The following SNRK variants were observed in gnomAD, a reference collection of about 807,000 sequenced individuals.
The protein encoded by SNRK is SNF related kinase.
SNRK carries 3 observed loss-of-function variants against 48.2 expected under a neutral mutation model. The observed-to-expected ratio is 0.06, with a 90% CI of 0.03 to 0.16. The LOEUF (loss-of-function observed/expected upper bound fraction) is 0.16, where lower values mean the gene tolerates loss of function less well. Among genes scored for constraint, SNRK ranks in the 10% least tolerant of loss-of-function variants. The pLI, the probability that SNRK is intolerant of heterozygous loss-of-function variation, is 1.00. For synonymous variants in SNRK, 376 were observed against 366.1 expected (o/e 1.03, Z -0.31); for missense variants, 627 against 976.0 (o/e 0.64, Z 4.76).
intron 6 of SNRK, among the ~76,000 whole-genome samples, chr3:43,344,807 C>A (rs1009066867): frequency 6.6e-6 from 1 of 151,998 alleles, no homozygotes; most frequent in African/African-American, 2.4e-5. Context: ...AGCTCCCTGG[C>A]AAGAAAGAGT....
At chr3:43,312,066 C>T (rs1354024752) in intron 3 of SNRK, among the ~76,000 whole-genome samples, 1 of 152,040 alleles carries the variant, frequency 6.6e-6, no homozygotes, top group Non-Finnish European at 1.5e-5. Flanking sequence ...GCCATCTCAC[C>T]TAAGGTTTGG....
At chr3:43,302,765 A>G (rs1402968539) in intron 2 of SNRK, among the ~76,000 whole-genome samples, 1 of 152,084 alleles carries the variant, frequency 6.6e-6, no homozygotes, top group Non-Finnish European at 1.5e-5. Flanking sequence ...TTATTTTTTA[A>G]GACACTAAAA....
chr3:43,290,021 G>C (rs936778651), intron 1 of SNRK, among the ~76,000 whole-genome samples: 4 of 152,162 alleles, frequency 2.6e-5, no homozygotes, highest in African/African-American at 9.7e-5. Flanking sequence ...GTTTAATGTA[G>C]GTTATGACAA....
chr3:43,301,630 T>TA lies in SNRK; in HGVS notation c.-106-1459dup, dbSNP rs575119083. On this transcript the variant is annotated intron_variant, in intron 2 of 6. Coordinates refer to ENST00000296088, the MANE Select transcript of SNRK (RefSeq NM_017719.5). ...AAAATAAATAGCAGTTTTTAAAAAT[T>TA]AAAAAAAAACTTACCTATTATATGT... is the stretch of plus-strand genomic sequence containing the variant. 1.2e-3 allele frequency among the ~76,000 whole-genome samples: 175 copies of TA among 151,774 alleles called. 1 individual carries two copies. The highest frequency in any genetic ancestry group is 2.0e-3 in the Non-Finnish European group (133 of 67,892).
intron 3 of SNRK, among the ~76,000 whole-genome samples, chr3:43,329,772 T>C (rs1002913760): frequency 6.6e-6 from 1 of 152,340 alleles, no homozygotes; most frequent in African/African-American, 2.4e-5. Flanking sequence ...TTAAGGGGAT[T>C]GGACAAATCA....
intron 3 of SNRK, among the ~76,000 whole-genome samples, chr3:43,326,808 A>G (rs1336589413): frequency 3.3e-5 from 5 of 152,238 alleles, no homozygotes; most frequent in Non-Finnish European, 1.5e-5. Flanking sequence ...TGAAGTCCCC[A>G]AGGGACATTT....
In SNRK at chr3:43,348,384, G is replaced by C. The variant is rs756684829; in HGVS notation, c.2125G>C (p.Asp709His). ...AGTGGGCGGCATAAAGTTTTTCTCT[G>C]ACCACATGGCAGATACCACCACTGA... ...PAVGGIKFFS[D>H]HMADTTTELE... is the part of the protein sequence containing the mutation. The change falls in exon 7 of 7, where the codon GAC becomes CAC. Residue 709 changes from aspartate to histidine, a missense_variant. Transcript: ENST00000296088. 1.9e-6 allele frequency: 3 copies of C among 1,608,860 alleles called. No homozygotes were observed. The highest frequency in any genetic ancestry group is 2.5e-6 in the Non-Finnish European group (3 of 1,177,848).
At chr3:43,305,222 G>T (rs1242079963) in intron 3 of SNRK, among the ~76,000 whole-genome samples, 1 of 152,160 alleles carries the variant, frequency 6.6e-6, no homozygotes, top group African/African-American at 2.4e-5. Context: ...TAAAGGTAAA[G>T]ATGTACACAT....
chr3:43,340,633 C>G, intron 5 of SNRK, 134 bp downstream of exon 5: 2 of 788,938 alleles, frequency 2.5e-6, no homozygotes, highest in South Asian at 3.7e-5. Flanking sequence ...TGTCATTTAT[C>G]TCTAAAGTTC....
chr3:43,303,682 G>A lies in SNRK; in HGVS notation c.479G>A (p.Gly160Glu). The change falls in exon 3 of 7, where the codon GGG (glycine) becomes GAG (glutamate). Residue 160 changes from glycine (G) to glutamate (E), a missense_variant. Physicochemically the swap from Gly to Glu is moderately conservative, Grantham distance 98. This residue lies in a region of SNRK where 147 missense variants were observed against 356.8 expected (regional missense o/e 0.41). Transcript: ENST00000296088. This position sits in a 1 kb window ranked among gnomAD's most constrained non-coding sequence, Gnocchi z 6.2. Reference sequence around the variant, plus strand: ...GGTCTTGTAAAGTTGACAGACTTTGGGTTCAGCAACAAATTTCAACCAGGG... The same window carrying A: ...GGTCTTGTAAAGTTGACAGACTTTGAGTTCAGCAACAAATTTCAACCAGGG... ...KQGLVKLTDF[G>E]FSNKFQPGKK... 1 of 1,614,022 alleles carries A rather than the reference G, an allele frequency of 6.2e-7. No homozygotes were observed. The highest frequency in any genetic ancestry group is 8.5e-7 in the Non-Finnish European group (1 of 1,179,994).
At chr3:43,290,520 A>C (rs184650926) in intron 1 of SNRK, among the ~76,000 whole-genome samples, 1 of 152,100 alleles carries the variant, frequency 6.6e-6, no homozygotes, top group Admixed American at 6.5e-5. Flanking sequence ...CTTGGATTCT[A>C]CTTCCAAAAT....
chr3:43,295,895 C>T (rs963124786), intron 1 of SNRK, among the ~76,000 whole-genome samples: 8 of 152,136 alleles, frequency 5.3e-5, no homozygotes, highest in African/African-American at 1.4e-4. Context: ...CATGCCACCA[C>T]GCCCAGCTAA....
intron 3 of SNRK, among the ~76,000 whole-genome samples, chr3:43,324,530 T>G (rs982377109): frequency 6.8e-6 from 1 of 147,806 alleles, no homozygotes; most frequent in Non-Finnish European, 1.5e-5. Flanking sequence ...AAAAAAAGAA[T>G]AAATCTTACT....
rs73831264 is a variant in SNRK at position 43,348,275 on chromosome 3, G to C, written c.2016G>C (p.Leu672Phe). 3.1e-6 allele frequency: 5 copies of C among 1,595,976 alleles called. No homozygotes were observed. Among genetic ancestry groups the C allele is most frequent in the Non-Finnish European group, 4.3e-6 (5 of 1,172,996 alleles). The change falls in exon 7 of 7, where the codon TTG becomes TTC. Residue 672 changes from leucine to phenylalanine, a missense_variant. By Grantham distance (22) the Leu-to-Phe change is conservative (BLOSUM62 0). Transcript: ENST00000296088. ...ACATTATTGATCCACAGAATGGCTT[G>C]TCATTTTCCAGTGTGAAAGTCCAAG... ...TKYIIDPQNGLSFSSVKVQEK... is the reference protein window; with the variant it reads ...TKYIIDPQNGFSFSSVKVQEK...
chr3:43,347,283 T>TTTA lies in SNRK; in HGVS notation c.1080-56_1080-55insTTA. 6.7e-7 allele frequency: 1 copy of TTTA among 1,487,188 alleles called. No individual in the cohort carries two copies. Among genetic ancestry groups the TTTA allele is most frequent in the Non-Finnish European group, 9.0e-7 (1 of 1,113,368 alleles). The allele number at this position is 1,487,188 out of a possible 1,614,324, so 92.1% of individuals were successfully genotyped here. On this transcript the variant is annotated intron_variant, in intron 6 of 6. Coordinates refer to ENST00000296088, the MANE Select transcript of SNRK (RefSeq NM_017719.5). The surrounding 1 kb of genome is among the most constrained non-coding windows in gnomAD (Gnocchi z 5.4). ...GTAAGTTCATTGTGATGTACTTTAC[T>TTTA]ATCATCTGCATAATGATTATATGGC...
At position 43,306,707 on chromosome 3, in the gene SNRK, C is replaced by T. The variant is rs556814589; in HGVS notation, c.589+2915C>T. Among the ~76,000 whole-genome samples, 274 of 152,194 alleles carry T rather than the reference C, an allele frequency of 1.8e-3. 1 individual carries two copies. Among genetic ancestry groups the T allele is most frequent in the African/African-American group, 6.3e-3 (260 of 41,528 alleles). ...TCTTTAACTTTAATGCTATATGATG[C>T]CCTCTCCCACAATCCCTGATGACAT... On this transcript the variant is annotated intron_variant, in intron 3 of 6. Transcript: ENST00000296088.
chr3:43,347,662 G>A lies in SNRK; in HGVS notation c.1403G>A (p.Arg468His). The A allele has an allele frequency of 1.2e-6, 2 of 1,613,716 alleles. No homozygotes were observed. Among genetic ancestry groups the A allele is most frequent in the African/African-American group, 1.3e-5 (1 of 75,026 alleles). Residue 468 changes from arginine to histidine, a missense_variant, in exon 7 of 7, where the codon CGC becomes CAC. Arg to His is a conservative substitution (Grantham distance 29, BLOSUM62 0). This residue lies in a region of SNRK where 98 missense variants were observed against 175.2 expected (regional missense o/e 0.56). Transcript: ENST00000296088. The surrounding 1 kb of genome is among the most constrained non-coding windows in gnomAD (Gnocchi z 5.4). ...PMSLSTQVVL[R>H]RKPSVTNRLT... ...TCCCTCTCAACACAAGTGGTTTTGCGCCGGAAGCCATCTGTAACCAACCGC... is the reference window on the plus strand; with the variant it reads ...TCCCTCTCAACACAAGTGGTTTTGCACCGGAAGCCATCTGTAACCAACCGC...
intron 3 of SNRK, among the ~76,000 whole-genome samples, chr3:43,312,194 A>T: frequency 6.6e-6 from 1 of 152,208 alleles, no homozygotes; most frequent in East Asian, 1.9e-4. Flanking sequence ...ACTACCAATT[A>T]TGCAATAATC....
intron 6 of SNRK, among the ~76,000 whole-genome samples, chr3:43,346,708 A>C (rs892974159): frequency 1.1e-4 from 16 of 152,078 alleles, no homozygotes; most frequent in Admixed American, 2.6e-4. Context: ...ATGCCCTTGC[A>C]CTCCAGCCTG....
Sources: gnomAD v4.1 joint callset for allele counts (sites outside exome capture counted in the v4.1 genomes callset) on GRCh38, gnomAD v4.1.1 for gene constraint, gnomAD v4.1.1 regional missense constraint, Gnocchi (gnomAD v3.1) non-coding constraint, MANE v1.5 for transcripts, NCBI Gene and HGNC (gene_info 2026-07-23, HGNC 2026-07-21) for gene names.